The following DMRT1 variants were observed in gnomAD, a reference collection of about 807,000 sequenced individuals.
DMRT1 encodes the protein doublesex- and mab-3-related transcription factor 1.
A neutral mutation model predicts 32.3 loss-of-function variants in DMRT1; 7 were observed. The ratio of observed to expected loss-of-function variants is 0.22; its 90% CI spans 0.12 to 0.41. The LOEUF is 0.41. DMRT1 is among the 10% of genes least tolerant of loss of function. DMRT1 has a pLI of 1.00. For synonymous variants in DMRT1, 278 were observed against 206.1 expected, an observed-to-expected ratio of 1.35 and a Z score of -2.99; for missense variants, 625 against 500.5, an observed-to-expected ratio of 1.25 and a Z score of -2.37.
intron 3 of DMRT1, among the ~76,000 whole-genome samples, chr9:908,651 A>G (rs1380171607): frequency 6.6e-6 from 1 of 151,106 alleles, no homozygotes; most frequent in African/African-American, 2.4e-5. Flanking sequence ...ACTGTAATAC[A>G]AACTTTCCTT....
chr9:925,128 G>C (rs1352310961), intron 4 of DMRT1, among the ~76,000 whole-genome samples: 1 of 152,124 alleles, frequency 6.6e-6, no homozygotes, highest in African/African-American at 2.4e-5. Context: ...GAATTACCAG[G>C]GTGTGTGCCC....
At chr9:865,438 A>T (rs1205866853) in intron 2 of DMRT1, among the ~76,000 whole-genome samples, 1 of 152,076 alleles carries the variant, frequency 6.6e-6, no homozygotes, top group Non-Finnish European at 1.5e-5. Context: ...TATGTATGGT[A>T]CTTAATTTTT....
chr9:926,110 A>C (rs967963695), intron 4 of DMRT1, among the ~76,000 whole-genome samples: 2 of 152,248 alleles, frequency 1.3e-5, no homozygotes, highest in African/African-American at 4.8e-5. Context: ...GTTCTGTAGC[A>C]CATTACTGTC....
At chr9:951,578 A>T (rs750117041) in intron 4 of DMRT1, among the ~76,000 whole-genome samples, 1 of 152,176 alleles carries the variant, frequency 6.6e-6, no homozygotes, top group African/African-American at 2.4e-5. Flanking sequence ...GAAAATATCA[A>T]CAAGAGGGTT....
In DMRT1 at chr9:910,557, TA is replaced by T. The variant is rs555524593; in HGVS notation, c.823-6205del. ...AAAAAGAAGTGAACTCAAACATTTT[TA>T]TGGTTTTTTTTTCAGATATTATTGT... On this transcript the variant is annotated intron_variant, in intron 3 of 4. Coordinates refer to ENST00000382276, the MANE Select transcript of DMRT1 (RefSeq NM_021951.3). Among the ~76,000 whole-genome samples the T allele has an allele frequency of 4.6e-5, 7 of 152,242 alleles. No homozygotes were observed. The East Asian group carries it at 1.3e-3, about 29-fold the overall frequency.
At chr9:914,132 A>G (rs1378872980) in intron 3 of DMRT1, among the ~76,000 whole-genome samples, 2 of 152,128 alleles carry the variant, frequency 1.3e-5, no homozygotes, top group East Asian at 1.9e-4. Flanking sequence ...GTGTGTAGTA[A>G]ACAGCTACCA....
chr9:868,299 G>A (rs1431257130), intron 2 of DMRT1, among the ~76,000 whole-genome samples: 1 of 152,112 alleles, frequency 6.6e-6, no homozygotes, highest in African/African-American at 2.4e-5. Context: ...ATTTTACAAG[G>A]CAAGCATTAT....
chr9:880,650 T>C (rs948531544), intron 2 of DMRT1, among the ~76,000 whole-genome samples: 2 of 142,766 alleles, frequency 1.4e-5, no homozygotes, highest in East Asian at 2.1e-4. Context: ...TGCTTGAACC[T>C]GGGAGGCAGA....
intron 2 of DMRT1, among the ~76,000 whole-genome samples, chr9:853,419 A>C (rs189335789): frequency 5.5e-4 from 84 of 151,866 alleles, no homozygotes; most frequent in African/African-American, 1.9e-3. Flanking sequence ...CATTTTAAAC[A>C]TTTTAGAGTT....
chr9:936,580 T>C (rs1162437906), intron 4 of DMRT1, among the ~76,000 whole-genome samples: 2 of 152,010 alleles, frequency 1.3e-5, no homozygotes, highest in African/African-American at 4.8e-5. Context: ...GGCGAAACCC[T>C]GTCTCTACTA....
In DMRT1 at chr9:870,709, CTTTT is replaced by C. The variant is rs58893896; in HGVS notation, c.539-23186_539-23183del. Among the ~76,000 whole-genome samples the C allele has an allele frequency of 2.9e-3, 202 of 69,564 alleles. 7 individuals are homozygous for C. The highest frequency in any genetic ancestry group is 0.013 in the African/African-American group (191 of 15,262). 45.6% of individuals were successfully genotyped at this position (69,564 alleles called of 152,430 possible). ...GTTCCCATATTTCTCATTTTCTTGA[CTTTT>C]TTTTTTTTTTTTTTTTGAGACAGGG... is the stretch of plus-strand genomic sequence containing the variant. On this transcript the variant is annotated intron_variant, in intron 2 of 4. Transcript: ENST00000382276.
At chr9:871,930 A>G (rs2132609925) in intron 2 of DMRT1, among the ~76,000 whole-genome samples, 1 of 151,558 alleles carries the variant, frequency 6.6e-6, no homozygotes, top group Non-Finnish European at 1.5e-5. Flanking sequence ...ATTTCTTGTT[A>G]TATTTTCTTC....
chr9:877,984 T>C (rs1018830749), intron 2 of DMRT1, among the ~76,000 whole-genome samples: 1 of 152,132 alleles, frequency 6.6e-6, no homozygotes, highest in African/African-American at 2.4e-5. Context: ...TTCACAAATT[T>C]GGTTAGGTGG....
chr9:851,887 C>T (rs997538447), intron 2 of DMRT1, among the ~76,000 whole-genome samples: 1 of 151,072 alleles, frequency 6.6e-6, no homozygotes, highest in Non-Finnish European at 1.5e-5. Context: ...TGAAGAAATT[C>T]TGTTTATTGC....
At chr9:930,816 A>C (rs1818701361) in intron 4 of DMRT1, among the ~76,000 whole-genome samples, 1 of 152,180 alleles carries the variant, frequency 6.6e-6, no homozygotes, top group African/African-American at 2.4e-5. Flanking sequence ...CTTGGATTAC[A>C]GACATGAGCC....
rs561115043 is a variant in DMRT1, at chr9:859,359, G to C, written c.538+12216G>C. Among the ~76,000 whole-genome samples, 48 of 152,264 alleles carry C rather than the reference G, an allele frequency of 3.2e-4. No individual in the cohort carries two copies. The South Asian group carries it at 9.6e-3, about 30-fold the overall frequency. On this transcript the variant is annotated intron_variant, in intron 2 of 4. Transcript: ENST00000382276. ...ATGCAGTACACTGTAAATTCTGTCT[G>C]ATGATCTGGACTCTGAGCCTAGGAG...
intron 4 of DMRT1, among the ~76,000 whole-genome samples, chr9:954,109 T>G (rs1688923565): frequency 6.6e-6 from 1 of 152,116 alleles, no homozygotes; most frequent in Non-Finnish European, 1.5e-5. Flanking sequence ...TAGAGGTCTG[T>G]GCAGGCATCT....
At chr9:850,047 G>C (rs767786465) in intron 2 of DMRT1, among the ~76,000 whole-genome samples, 2 of 152,146 alleles carry the variant, frequency 1.3e-5, no homozygotes, top group Non-Finnish European at 2.9e-5. Context: ...TCGAACTCCC[G>C]ACCTCAGGTG....
At chr9:872,460 C>G (rs1816314620) in intron 2 of DMRT1, among the ~76,000 whole-genome samples, 1 of 152,222 alleles carries the variant, frequency 6.6e-6, no homozygotes. Context: ...CTCCAAAAAA[C>G]TCATACCCAT....
Sources: allele counts gnomAD v4.1 joint callset (sites outside exome capture counted in the v4.1 genomes callset), GRCh38; gene constraint gnomAD v4.1.1; transcripts MANE v1.5; gene names NCBI Gene and HGNC (gene_info 2026-07-23, HGNC 2026-07-21).